The following SIK3 variants were observed in gnomAD, a reference collection of about 807,000 sequenced individuals.
SIK3 encodes serine/threonine-protein kinase SIK3.
Under a neutral mutation model 144.2 loss-of-function variants are expected in SIK3, and 28 were observed. That is an observed-to-expected ratio of 0.19 (90% confidence interval 0.14 to 0.27). The LOEUF is 0.27. SIK3 is among the 10% of genes least tolerant of loss of function. The pLI, the probability that SIK3 is intolerant of heterozygous loss-of-function variation, is 1.00. For synonymous variants in SIK3, 686 were observed against 676.3 expected, an observed-to-expected ratio of 1.01 and a Z score of -0.22; for missense variants, 1,319 against 1,776.0, an observed-to-expected ratio of 0.74 and a Z score of 4.62.
intron 18 of SIK3, 94 bp from the exon 19 acceptor site, chr11:116,861,477 T>A (rs1943325837): frequency 1.2e-6 from 1 of 831,754 alleles, no homozygotes. Flanking sequence ...GTGGAAACTA[T>A]TTTTTTTTAC....
At chr11:116,985,801 G>A (rs915861369) in intron 1 of SIK3, among the ~76,000 whole-genome samples, 1 of 152,106 alleles carries the variant, frequency 6.6e-6, no homozygotes, top group African/African-American at 2.4e-5. Flanking sequence ...CAGATTAGAA[G>A]TACAACTAAT....
rs1357037426 is a variant in SIK3 at position 117,030,799 on chromosome 11, G to GT, written c.273+67343dup. ...GATCCTCCCACCTCAACCTCGCAAA[G>GT]TACTAGGATTACAGGTGTGTGCCAG... On this transcript the variant is annotated intron_variant, in intron 1 of 24. Coordinates refer to ENST00000445177, the MANE Select transcript of SIK3 (RefSeq NM_001366686.3). Among the ~76,000 whole-genome samples the GT allele has an allele frequency of 2.6e-5, 4 of 152,256 alleles. No individual in the cohort carries two copies. The East Asian group carries it at 7.7e-4, about 29-fold the overall frequency.
intron 1 of SIK3, among the ~76,000 whole-genome samples, chr11:116,974,552 G>C (rs549315529): frequency 6.7e-6 from 1 of 149,638 alleles, no homozygotes; most frequent in Non-Finnish European, 1.5e-5. Flanking sequence ...CACCATAGGG[G>C]TTTCTGTTTG....
chr11:116,929,438 A>T (rs547919), intron 3 of SIK3, among the ~76,000 whole-genome samples: 9,067 of 152,286 alleles, frequency 0.06, 521 homozygotes, highest in African/African-American at 0.14. Context: ...AATGCTGCAG[A>T]ATGATTAATT....
chr11:116,862,469 A>G lies in SIK3; in HGVS notation c.2104-142T>C, dbSNP rs1943398747. The stretch of plus-strand genomic sequence containing the variant: ...AGTGTCCTTGATGAGCAATTAACTC[A>G]TTTACCTAAGTATCTGGTGCACTAA... On this transcript the variant is annotated intron_variant, in intron 16 of 24. Transcript: ENST00000445177. 24 of 997,592 alleles carry G rather than the reference A, an allele frequency of 2.4e-5. 1 individual carries two copies. In the South Asian group the frequency reaches 3.4e-4, roughly 14 times the overall value. 61.8% of individuals were successfully genotyped at this position (997,592 alleles called of 1,614,324 possible). A position where few individuals can be genotyped will look rare whatever the true frequency, so the allele number is the denominator to read the frequency against.
intron 1 of SIK3, among the ~76,000 whole-genome samples, chr11:117,086,324 G>A (rs994774757): frequency 2.0e-5 from 3 of 152,158 alleles, no homozygotes; most frequent in Admixed American, 6.5e-5. Flanking sequence ...CCATTAAAAC[G>A]AGGGAGGAGC....
At chr11:116,943,086 C>T (rs1275683611) in intron 3 of SIK3, among the ~76,000 whole-genome samples, 1 of 151,536 alleles carries the variant, frequency 6.6e-6, no homozygotes, top group South Asian at 2.1e-4. Flanking sequence ...CTGTGGGCAC[C>T]ACATTCATGG....
intron 23 of SIK3, 57 bp downstream of exon 23, chr11:116,847,419 T>C (rs1041877145): frequency 4.0e-5 from 64 of 1,609,314 alleles, no homozygotes; most frequent in Non-Finnish European, 5.3e-5. Flanking sequence ...TTACGGAAGA[T>C]GGAGGGAGGC....
chr11:116,912,676 T>C (rs1236336265), intron 4 of SIK3, among the ~76,000 whole-genome samples: 1 of 152,126 alleles, frequency 6.6e-6, no homozygotes, highest in Non-Finnish European at 1.5e-5. Flanking sequence ...TGGGAAGATA[T>C]TTACTTACCC....
At chr11:117,042,815 A>G (rs958129757) in intron 1 of SIK3, among the ~76,000 whole-genome samples, 2 of 152,262 alleles carry the variant, frequency 1.3e-5, no homozygotes, top group Non-Finnish European at 2.9e-5. Context: ...ATGATGGCAC[A>G]TAACTAAACC....
At position 116,896,237 on chromosome 11, in the gene SIK3, C is replaced by G; in HGVS notation, c.865+16G>C. 6.2e-7 allele frequency: 1 copy of G among 1,612,674 alleles called. No individual in the cohort carries two copies. The highest frequency in any genetic ancestry group is 1.1e-5 in the South Asian group (1 of 90,906). Reference sequence around the variant, plus strand: ...TCATGAACCCATTCATAGCTGTGTGCTAGCGACTCCCTTACCTGTGGACAT... The same window carrying G: ...TCATGAACCCATTCATAGCTGTGTGGTAGCGACTCCCTTACCTGTGGACAT... On this transcript the variant is annotated intron_variant, in intron 6 of 24. Coordinates refer to ENST00000445177, the MANE Select transcript of SIK3 (RefSeq NM_001366686.3).
chr11:116,970,883 G>A (rs935839165), intron 1 of SIK3, among the ~76,000 whole-genome samples: 1 of 152,088 alleles, frequency 6.6e-6, no homozygotes, highest in Admixed American at 6.6e-5. Flanking sequence ...CTGGCCTCAA[G>A]CAATCCTCCC....
At position 117,035,668 on chromosome 11, in the gene SIK3, C is replaced by T. The variant is rs1307341689; in HGVS notation, c.273+62475G>A. ...CTCCTAGGCTCAAGCGATCCTCCCA[C>T]CTTAGCCTCCAGAGTAGCTGGGACT... is the stretch of plus-strand genomic sequence containing the variant. On this transcript the variant is annotated intron_variant, in intron 1 of 24. Transcript: ENST00000445177. The T allele has an allele frequency of 1.6e-5, 11 of 669,042 alleles. No individual in the cohort carries two copies. The Admixed American group carries it at 2.7e-4, about 17-fold the overall frequency. The allele number at this position is 669,042 out of a possible 1,614,324, so 41.4% of individuals were successfully genotyped here.
chr11:116,867,061 A>G lies in SIK3; in HGVS notation c.1952+885T>C, dbSNP rs1017199647. Among the ~76,000 whole-genome samples, 4 of 152,198 alleles carry G rather than the reference A, an allele frequency of 2.6e-5. No homozygotes were observed. The highest frequency in any genetic ancestry group is 9.7e-5 in the African/African-American group (4 of 41,442). Reference sequence around the variant, plus strand: ...GTGCAAGCTGGCTGCAAGATTTCATAACACCACATATATAAACCTAGTTTC... The same window carrying G: ...GTGCAAGCTGGCTGCAAGATTTCATGACACCACATATATAAACCTAGTTTC... On this transcript the variant is annotated intron_variant, in intron 15 of 24. Coordinates refer to ENST00000445177, the MANE Select transcript of SIK3 (RefSeq NM_001366686.3). The surrounding 1 kb of genome is among the most constrained non-coding windows in gnomAD (Gnocchi z 4.1).
At chr11:116,957,538 T>C (rs1205778222) in intron 1 of SIK3, among the ~76,000 whole-genome samples, 5 of 152,212 alleles carry the variant, frequency 3.3e-5, no homozygotes, top group Admixed American at 2.0e-4. Context: ...TCTCACCAGA[T>C]GCTTGTAGAA....
At chr11:116,957,313 C>T (rs951239859) in intron 1 of SIK3, among the ~76,000 whole-genome samples, 3 of 152,112 alleles carry the variant, frequency 2.0e-5, no homozygotes, top group African/African-American at 4.8e-5. Context: ...ATTGCTTATA[C>T]GGTAAAATCC....
intron 3 of SIK3, among the ~76,000 whole-genome samples, chr11:116,948,028 A>C (rs1948759963): frequency 6.7e-6 from 1 of 148,656 alleles, no homozygotes; most frequent in Non-Finnish European, 1.5e-5. Flanking sequence ...TCCACCTCCT[A>C]GGCTCAGGTG....
At chr11:117,016,284 C>G (rs1235595511) in intron 1 of SIK3, among the ~76,000 whole-genome samples, 1 of 147,852 alleles carries the variant, frequency 6.8e-6, no homozygotes, top group Non-Finnish European at 1.5e-5. Flanking sequence ...CGCGATCACG[C>G]CACTGCACTC....
At chr11:116,955,255 G>A (rs1403937612) in intron 2 of SIK3, among the ~76,000 whole-genome samples, 12 of 151,936 alleles carry the variant, frequency 7.9e-5, no homozygotes, top group Non-Finnish European at 1.2e-4. Flanking sequence ...AAAATTAGCT[G>A]GGCGTGGTGG....
Sources: allele counts gnomAD v4.1 joint callset (sites outside exome capture counted in the v4.1 genomes callset), GRCh38; gene constraint gnomAD v4.1.1; non-coding constraint Gnocchi (gnomAD v3.1); transcripts MANE v1.5; gene names NCBI Gene and HGNC (gene_info 2026-07-23, HGNC 2026-07-21).